RPA1: variants seen among roughly 807,000 people sequenced by gnomAD.
RPA1 encodes the protein replication protein A1, also known as replication protein A 70 kDa DNA-binding subunit.
A neutral mutation model predicts 83.0 loss-of-function variants in RPA1; 49 were observed. The observed-to-expected ratio is 0.59, with a 90% CI of 0.47 to 0.75. The LOEUF (loss-of-function observed/expected upper bound fraction) is 0.75. Among genes scored for constraint, RPA1 ranks in the 30% least tolerant of loss-of-function variants. The pLI, the probability that RPA1 is intolerant of heterozygous loss-of-function variation, is 0.00. For missense variants in RPA1, 693 were observed against 776.1 expected, an observed-to-expected ratio of 0.89 and a Z score of 1.27; for synonymous variants, 279 against 281.8, an observed-to-expected ratio of 0.99 and a Z score of 0.10.
intron 12 of RPA1, 72 bp from the exon 13 acceptor site, chr17:1,883,740 G>A: frequency 6.2e-7 from 1 of 1,600,058 alleles, no homozygotes; most frequent in South Asian, 1.1e-5. Context: ...TCGCGTAGCA[G>A]CAAGTTGCAT....
intron 1 of RPA1, among the ~76,000 whole-genome samples, chr17:1,834,326 T>G (rs1461291707): frequency 6.6e-6 from 1 of 152,144 alleles, no homozygotes; most frequent in Non-Finnish European, 1.5e-5. Context: ...CAAAGTGCTG[T>G]GATTATAGAT....
chr17:1,892,287 G>A (rs914358067), intron 15 of RPA1, among the ~76,000 whole-genome samples: 3 of 152,164 alleles, frequency 2.0e-5, no homozygotes, highest in African/African-American at 7.2e-5. Context: ...TTACAGGTGT[G>A]AGCCACCACA....
intron 15 of RPA1, 47 bp downstream of exon 15, chr17:1,891,987 C>T (rs1914220248): frequency 3.9e-6 from 5 of 1,287,352 alleles, no homozygotes; most frequent in African/African-American, 1.5e-5. Context: ...TAATGGTTCT[C>T]ATTCTATAAC....
chr17:1,873,696 T>C (rs1266371081), intron 6 of RPA1, among the ~76,000 whole-genome samples: 1 of 152,002 alleles, frequency 6.6e-6, no homozygotes, highest in East Asian at 1.9e-4. Context: ...ACTCAAAAAT[T>C]ACATGCTGTT....
chr17:1,831,809 C>G (rs1243644589), intron 1 of RPA1, among the ~76,000 whole-genome samples: 1 of 151,554 alleles, frequency 6.6e-6, no homozygotes, highest in Non-Finnish European at 1.5e-5. Context: ...CCGTGTTAGC[C>G]AGGATGGTCT....
rs887083105 is a variant in RPA1, at chr17:1,894,949, T to C, written c.1660-60T>C. The C allele has an allele frequency of 2.2e-5, 30 of 1,355,276 alleles. No individual in the cohort carries two copies. The East Asian group carries it at 3.7e-4, about 17-fold the overall frequency. The allele number at this position is 1,355,276 out of a possible 1,614,324, so 84.0% of individuals were successfully genotyped here. A position where few individuals can be genotyped will look rare whatever the true frequency, so the allele number is the denominator to read the frequency against. ...TTCAGAAGTCTTTTTAAAAGTCTTA[T>C]CAGTATTTGCAAGTTGTCCAGTGGT... On this transcript the variant is annotated intron_variant, in intron 15 of 16. Coordinates refer to ENST00000254719, the MANE Select transcript of RPA1 (RefSeq NM_002945.5).
chr17:1,874,100 G>A (rs981653699), intron 6 of RPA1, among the ~76,000 whole-genome samples: 1 of 148,524 alleles, frequency 6.7e-6, no homozygotes, highest in Non-Finnish European at 1.5e-5. Context: ...TCTCTAAAGT[G>A]GTAAATAATC....
rs139469489 is a variant in RPA1, at chr17:1,846,581, A to G, written c.272+1895A>G. Among the ~76,000 whole-genome samples, 1,498 of 152,060 alleles carry G rather than the reference A, an allele frequency of 9.9e-3. 36 individuals carry two copies. The highest frequency in any genetic ancestry group is 0.034 in the African/African-American group (1,397 of 41,516). ...GTGATCCACCTGCCTCAGCCTCCCA[A>G]AGTGCTGGGATTACAGGCGTGAGCC... On this transcript the variant is annotated intron_variant, in intron 4 of 16. Transcript: ENST00000254719.
intron 1 of RPA1, among the ~76,000 whole-genome samples, chr17:1,832,524 A>C (rs1911658621): frequency 6.6e-6 from 1 of 151,766 alleles, no homozygotes; most frequent in African/African-American, 2.4e-5. Context: ...GTAGCTGAGA[A>C]TACAGGAGAC....
chr17:1,846,668 C>T lies in RPA1; in HGVS notation c.272+1982C>T, dbSNP rs559260087. 8.5e-5 allele frequency among the ~76,000 whole-genome samples: 13 copies of T among 152,168 alleles called. No individual in the cohort carries two copies. In the South Asian group the frequency reaches 2.3e-3, roughly 27 times the overall value. On this transcript the variant is annotated intron_variant, in intron 4 of 16. Transcript: ENST00000254719. ...TATGTGGTATGCTTGTTCAGTCTGC[C>T]GATTCAGTTCTTTTCAACGAAGTTT...
chr17:1,856,716 G>A (rs1912713832), intron 5 of RPA1, among the ~76,000 whole-genome samples: 1 of 149,460 alleles, frequency 6.7e-6, no homozygotes. Context: ...ATTTTTAGTA[G>A]AGACAGGATT....
intron 14 of RPA1, 77 bp downstream of exon 14, chr17:1,888,928 C>T (rs1914099341): frequency 6.9e-7 from 1 of 1,459,546 alleles, no homozygotes; most frequent in Non-Finnish European, 9.3e-7. Flanking sequence ...GTGGTCACAA[C>T]AGTAGAGACA....
At chr17:1,872,286 A>G (rs1319189809) in intron 5 of RPA1, 148 bp from the exon 6 acceptor site, 2 of 1,237,832 alleles carry the variant, frequency 1.6e-6, no homozygotes, top group Admixed American at 2.6e-5. Context: ...ACCGAGTGCC[A>G]TGGAATGCCT....
intron 4 of RPA1, among the ~76,000 whole-genome samples, chr17:1,845,498 C>G (rs1778211774): frequency 6.6e-6 from 1 of 151,964 alleles, no homozygotes; most frequent in Admixed American, 6.6e-5. Context: ...ATTGCACCGC[C>G]GCACTTCAGC....
intron 4 of RPA1, among the ~76,000 whole-genome samples, chr17:1,850,881 G>T (rs541068579): frequency 6.6e-6 from 1 of 151,716 alleles, no homozygotes; most frequent in East Asian, 1.9e-4. Flanking sequence ...GACAGAGTGA[G>T]ACTCTCTCTC....
At chr17:1,865,756 G>T (rs1238362620) in intron 5 of RPA1, among the ~76,000 whole-genome samples, 1 of 152,068 alleles carries the variant, frequency 6.6e-6, no homozygotes, top group East Asian at 1.9e-4. Context: ...ACAAAAGGCA[G>T]CATACTGTGT....
At position 1,886,823 on chromosome 17, in the gene RPA1, C is replaced by T. The variant is rs566951222; in HGVS notation, c.1375-1852C>T. On this transcript the variant is annotated intron_variant, in intron 13 of 16. Transcript: ENST00000254719. ...AGCTGGGACTACAGGTGCACACCAC[C>T]GTGCCCTGACAGATTTTTGTAGAGA... 5.3e-5 allele frequency among the ~76,000 whole-genome samples: 8 copies of T among 151,744 alleles called. No homozygotes were observed. The South Asian group carries it at 6.2e-4, about 12-fold the overall frequency.
chr17:1,895,053 A>G lies in RPA1; in HGVS notation c.1704A>G (p.Arg568=). 6.2e-7 allele frequency: 1 copy of G among 1,613,720 alleles called. No individual in the cohort carries two copies. ...AAGTTTTCCAGAATGCCAACTTCCG[A>G]TCTTTCATATTCAGAGTCAGGGTCA... ...FEEVFQNANF[R]SFIFRVRVKV... Residue 568 remains arginine, a synonymous_variant, in exon 16 of 17, where the codon CGA becomes CGG. Coordinates refer to ENST00000254719, the MANE Select transcript of RPA1 (RefSeq NM_002945.5).
In RPA1 at chr17:1,899,812, A is replaced by C. The variant is rs1914581420; in HGVS notation, c.*2637A>C. 6.6e-6 allele frequency: 1 copy of C among 152,166 alleles called. No homozygotes were observed. Among genetic ancestry groups the C allele is most frequent in the South Asian group, 2.1e-4 (1 of 4,824 alleles). The allele number at this position is 152,166 out of a possible 1,614,324, so 9.4% of individuals were successfully genotyped here. A position where few individuals can be genotyped will look rare whatever the true frequency, so the allele number is the denominator to read the frequency against. ...CAAGGTTTTATTTATAGAGGATGAAACAGGTTGTTTGGTCTCCTTTTCTTC... is the reference window on the plus strand; with the variant it reads ...CAAGGTTTTATTTATAGAGGATGAACCAGGTTGTTTGGTCTCCTTTTCTTC... On this transcript the variant is annotated 3_prime_UTR_variant, in exon 17 of 17. Coordinates refer to ENST00000254719, the MANE Select transcript of RPA1 (RefSeq NM_002945.5).
Sources: gnomAD v4.1 joint callset for allele counts (sites outside exome capture counted in the v4.1 genomes callset) on GRCh38, gnomAD v4.1.1 for gene constraint, MANE v1.5 for transcripts, NCBI Gene and HGNC (gene_info 2026-07-23, HGNC 2026-07-21) for gene names.